Variants in MAP2 observed in about 807,000 individuals in gnomAD.
MAP2 encodes microtubule-associated protein 2.
In MAP2, 14 loss-of-function variants were observed where a neutral mutation model predicts 137.6. The ratio of observed to expected loss-of-function variants is 0.10; its 90% CI spans 0.07 to 0.16. The LOEUF (loss-of-function observed/expected upper bound fraction) is 0.16. Among genes scored for constraint, MAP2 ranks in the 10% least tolerant of loss-of-function variants. MAP2 has a pLI of 1.00. For synonymous variants in MAP2, 786 were observed against 782.3 expected (o/e 1.00, Z -0.08); for missense variants, 2,088 against 2,191.5 (o/e 0.95, Z 0.94).
intron 13 of MAP2, among the ~76,000 whole-genome samples, chr2:209,723,858 T>C (rs2072603920): frequency 2.0e-5 from 3 of 152,196 alleles, no homozygotes; most frequent in African/African-American, 7.2e-5. Flanking sequence ...GTGATGGACT[T>C]CCCATCCTTC....
intron 3 of MAP2, among the ~76,000 whole-genome samples, chr2:209,585,855 C>T (rs766176618): frequency 5.3e-5 from 8 of 152,160 alleles, no homozygotes; most frequent in Admixed American, 1.3e-4. Context: ...AAATGAGCCT[C>T]GGCTTTCCTC....
At chr2:209,689,960 G>C (rs977384348) in intron 7 of MAP2, among the ~76,000 whole-genome samples, 4 of 152,214 alleles carry the variant, frequency 2.6e-5, no homozygotes, top group African/African-American at 9.6e-5. Flanking sequence ...ACTTGACTTA[G>C]GTAGTCCCTT....
intron 3 of MAP2, among the ~76,000 whole-genome samples, chr2:209,618,652 G>C (rs1403565114): frequency 6.6e-6 from 1 of 152,122 alleles, no homozygotes; most frequent in Non-Finnish European, 1.5e-5. Flanking sequence ...AGAGAATGTG[G>C]AGAAAAGGAG....
chr2:209,478,802 T>A (rs938361457), intron 1 of MAP2, among the ~76,000 whole-genome samples: 4 of 152,246 alleles, frequency 2.6e-5, no homozygotes, highest in Non-Finnish European at 4.4e-5. Flanking sequence ...AATGTTTTAA[T>A]TGATGTCTTG....
chr2:209,705,700 A>C lies in MAP2; in HGVS notation c.4705A>C (p.Ile1569Leu), dbSNP rs760867265. ...GAATTCCTTCTCTCTCAACAGTTCTATCTCTTCTTCAGCACGGCGGACCAC... is the reference window on the plus strand; with the variant it reads ...GAATTCCTTCTCTCTCAACAGTTCTCTCTCTTCTTCAGCACGGCGGACCAC... ...DENSFSLNSSISSSARRTTRS... is the reference protein window; with the variant it reads ...DENSFSLNSSLSSSARRTTRS... The change falls in exon 12 of 16, where the codon ATC (isoleucine) becomes CTC (leucine). Residue 1569 changes from isoleucine to leucine, a missense_variant. By Grantham distance (5) the Ile-to-Leu change is conservative. Coordinates refer to ENST00000682079, the MANE Select transcript of MAP2 (RefSeq NM_001375505.1). 1.2e-5 allele frequency: 19 copies of C among 1,612,962 alleles called. No individual in the cohort carries two copies. The highest frequency in any genetic ancestry group is 3.3e-5 in the South Asian group (3 of 91,032).
chr2:209,514,682 G>T (rs569496414), intron 2 of MAP2, among the ~76,000 whole-genome samples: 2 of 152,056 alleles, frequency 1.3e-5, no homozygotes, highest in Non-Finnish European at 2.9e-5. Flanking sequence ...TATTATGTAA[G>T]AAATTCTTTA....
chr2:209,574,580 A>G (rs1261728995), intron 2 of MAP2, among the ~76,000 whole-genome samples: 1 of 152,144 alleles, frequency 6.6e-6, no homozygotes. Context: ...TGTACAACTC[A>G]CGCTACCCAA....
rs139645573 is a variant in MAP2 at position 209,468,037 on chromosome 2, T to C, written c.-221-39555T>C. Reference sequence around the variant, plus strand: ...CACATTTTACGTCATATTATTTGCATGCATATCTTACCTAAGCCTGCTCAC... The same window carrying C: ...CACATTTTACGTCATATTATTTGCACGCATATCTTACCTAAGCCTGCTCAC... On this transcript the variant is annotated intron_variant, in intron 1 of 15. Transcript: ENST00000682079. Among the ~76,000 whole-genome samples, 5 of 152,312 alleles carry C rather than the reference T, an allele frequency of 3.3e-5. 1 individual carries two copies. The East Asian group carries it at 9.6e-4, about 29-fold the overall frequency.
chr2:209,488,897 G>A (rs1194526216), intron 1 of MAP2, among the ~76,000 whole-genome samples: 3 of 152,202 alleles, frequency 2.0e-5, no homozygotes, highest in Non-Finnish European at 2.9e-5. Flanking sequence ...TGCCAGCTCT[G>A]AGGAGGGCAG....
At chr2:209,524,909 A>G (rs2063800617) in intron 2 of MAP2, among the ~76,000 whole-genome samples, 1 of 152,100 alleles carries the variant, frequency 6.6e-6, no homozygotes, top group African/African-American at 2.4e-5. Flanking sequence ...ACCCCATGAT[A>G]ATTAGGGACC....
chr2:209,457,033 G>C (rs1378506276), intron 1 of MAP2, among the ~76,000 whole-genome samples: 1 of 152,108 alleles, frequency 6.6e-6, no homozygotes, highest in African/African-American at 2.4e-5. Flanking sequence ...ACTTTAAGGA[G>C]AACCCCATTC....
intron 2 of MAP2, among the ~76,000 whole-genome samples, chr2:209,528,736 A>C (rs1374243449): frequency 1.3e-5 from 2 of 151,084 alleles, no homozygotes; most frequent in Non-Finnish European, 2.9e-5. Flanking sequence ...ACATAAATAT[A>C]CATGTATATA....
intron 4 of MAP2, among the ~76,000 whole-genome samples, chr2:209,646,651 C>T (rs1008263018): frequency 4.6e-5 from 7 of 152,146 alleles, no homozygotes; most frequent in African/African-American, 1.7e-4. Context: ...CGAGAGTCTA[C>T]ATTAATTATC....
intron 5 of MAP2, among the ~76,000 whole-genome samples, chr2:209,668,844 T>C (rs2047484570): frequency 2.0e-5 from 3 of 152,120 alleles, no homozygotes; most frequent in African/African-American, 7.2e-5. Context: ...AAATTTACTT[T>C]ACTTTCTTTT....
intron 13 of MAP2, among the ~76,000 whole-genome samples, chr2:209,714,896 C>G (rs944807677): frequency 6.6e-6 from 1 of 151,984 alleles, no homozygotes; most frequent in Non-Finnish European, 1.5e-5. Flanking sequence ...TTTTGTATAC[C>G]TTAGTCTTCT....
rs2075943999 is a variant in MAP2 at position 209,732,791 on chromosome 2, T to C, written c.*2394T>C. ...ATAAAGATTATACAAGGCACCAAAC[T>C]ACTAGATTTGGCATTAAAACAAATG... On this transcript the variant is annotated 3_prime_UTR_variant, in exon 16 of 16. Transcript: ENST00000682079. 1 of 152,648 alleles carries C rather than the reference T, an allele frequency of 6.6e-6. No individual in the cohort carries two copies. Among genetic ancestry groups the C allele is most frequent in the African/African-American group, 2.4e-5 (1 of 41,454 alleles). The allele number at this position is 152,648 out of a possible 1,614,324, so 9.5% of individuals were successfully genotyped here.
intron 5 of MAP2, among the ~76,000 whole-genome samples, chr2:209,671,746 C>G (rs897402879): frequency 6.6e-6 from 1 of 151,772 alleles, no homozygotes; most frequent in African/African-American, 2.4e-5. Context: ...AAGAAATCAA[C>G]AAAAATATGT....
At chr2:209,429,800 C>T (rs11904626) in intron 1 of MAP2, among the ~76,000 whole-genome samples, 86,433 of 151,910 alleles carry the variant, frequency 0.57, 26,558 homozygotes, top group African/African-American at 0.81. Context: ...CTTTGCATTA[C>T]AACAATTTAA....
chr2:209,661,750 T>C (rs1317645250), intron 5 of MAP2: 1 of 924,404 alleles, frequency 1.1e-6, no homozygotes, highest in Non-Finnish European at 1.3e-6. Context: ...GGGATTAGCT[T>C]CAATCATAAT....
Sources: gnomAD v4.1 joint callset for allele counts (sites outside exome capture counted in the v4.1 genomes callset) on GRCh38, gnomAD v4.1.1 for gene constraint, MANE v1.5 for transcripts, NCBI Gene and HGNC (gene_info 2026-07-23, HGNC 2026-07-21) for gene names.